The following MAP3K4 variants were observed in gnomAD, a reference collection of about 807,000 sequenced individuals.
The protein encoded by MAP3K4 is MAP three kinase 1.
MAP3K4 carries 67 observed loss-of-function variants against 185.6 expected under a neutral mutation model. That is an observed-to-expected ratio of 0.36 (90% CI 0.30 to 0.44). The LOEUF is 0.44. Among genes scored for constraint, MAP3K4 ranks in the 20% least tolerant of loss-of-function variants. The pLI, the probability that MAP3K4 is intolerant of heterozygous loss-of-function variation, is 1.00. For missense variants in MAP3K4, 1,551 were observed against 1,995.1 expected (o/e 0.78, Z 4.24); for synonymous variants, 702 against 710.4 (o/e 0.99, Z 0.19).
rs1408806479 is a variant in MAP3K4, at chr6:161,070,935, T to A, written c.1950+85T>A. 1.3e-5 allele frequency: 16 copies of A among 1,256,842 alleles called. No homozygotes were observed. The highest frequency in any genetic ancestry group is 1.6e-5 in the Non-Finnish European group (15 of 937,696). The allele number at this position is 1,256,842 out of a possible 1,614,324, so 77.9% of individuals were successfully genotyped here. A position where few individuals can be genotyped will look rare whatever the true frequency, so the allele number is the denominator to read the frequency against. On this transcript the variant is annotated intron_variant, in intron 4 of 26. Transcript: ENST00000392142. This position sits in a 1 kb window ranked among gnomAD's most constrained non-coding sequence, Gnocchi z 4.5. ...CATTTTTATTTTGAGAGTTCCTTTTTTTTTCTTAATTGTCGCAAATAGTGA... is the reference window on the plus strand; with the variant it reads ...CATTTTTATTTTGAGAGTTCCTTTTATTTTCTTAATTGTCGCAAATAGTGA...
At chr6:161,113,797 T>TG (rs1778466640) in intron 25 of MAP3K4, among the ~76,000 whole-genome samples, 1 of 135,942 alleles carries the variant, frequency 7.4e-6, no homozygotes, top group Admixed American at 7.3e-5. Context: ...TGACTTTTTT[T>TG]TTTTTTTTTT....
rs779434919 is a variant in MAP3K4 at position 161,008,796 on chromosome 6, TCTA to T, written c.152+16719_152+16721del. On this transcript the variant is annotated intron_variant, in intron 1 of 26. Coordinates refer to ENST00000392142, the MANE Select transcript of MAP3K4 (RefSeq NM_005922.4). This position sits in a 1 kb window ranked among gnomAD's most constrained non-coding sequence, Gnocchi z 4.1. Reference sequence around the variant, plus strand: ...TCCTGACATTTACTGATATTTTACATCTACTACTTTCACTCAGCATGGTGCTTG... The same window carrying T: ...TCCTGACATTTACTGATATTTTACATCTACTTTCACTCAGCATGGTGCTTG... 5.9e-5 allele frequency among the ~76,000 whole-genome samples: 9 copies of T among 152,292 alleles called. No homozygotes were observed. The highest frequency in any genetic ancestry group is 2.6e-4 in the Admixed American group (4 of 15,296).
chr6:161,036,950 A>T (rs767734494), intron 2 of MAP3K4, among the ~76,000 whole-genome samples: 1 of 152,244 alleles, frequency 6.6e-6, no homozygotes, highest in East Asian at 1.9e-4. Flanking sequence ...AGCATTTCAG[A>T]TAAAGGACTT....
Position 161,116,993 on chromosome 6 carries a change from G to A in MAP3K4, c.*123G>A. On this transcript the variant is annotated 3_prime_UTR_variant, in exon 27 of 27. Coordinates refer to ENST00000392142, the MANE Select transcript of MAP3K4 (RefSeq NM_005922.4). The surrounding 1 kb of genome is among the most constrained non-coding windows in gnomAD (Gnocchi z 6.2). ...CCTTCCAAGACTGAAGACTGCACAGGTGACAAGCGTCACTTCTCCTGCTGC... is the reference window on the plus strand; with the variant it reads ...CCTTCCAAGACTGAAGACTGCACAGATGACAAGCGTCACTTCTCCTGCTGC... 4 of 865,524 alleles carry A rather than the reference G, an allele frequency of 4.6e-6. No homozygotes were observed. Among genetic ancestry groups the A allele is most frequent in the Non-Finnish European group, 7.4e-6 (4 of 541,454 alleles). The allele number at this position is 865,524 out of a possible 1,614,324, so 53.6% of individuals were successfully genotyped here. A position where few individuals can be genotyped will look rare whatever the true frequency, so the allele number is the denominator to read the frequency against.
rs1290261277 is a variant in MAP3K4, at chr6:161,073,486, G to A, written c.1971G>A (p.Glu657=). The change falls in exon 5 of 27, where the codon GAG becomes GAA. Residue 657 remains glutamate (E), a synonymous_variant. Transcript: ENST00000392142. The surrounding 1 kb of genome is among the most constrained non-coding windows in gnomAD (Gnocchi z 4.2). ...TGCAGCTGGTGAGAGAGTGTAAGGA[G>A]GTCCTGAAGGGCGGCCTGCTGATGA... ...SIKQLVRECK[E]VLKGGLLMKQ... is the part of the protein sequence containing the mutation. 6.2e-7 allele frequency: 1 copy of A among 1,612,064 alleles called. No individual in the cohort carries two copies. Among genetic ancestry groups the A allele is most frequent in the Admixed American group, 1.7e-5 (1 of 59,784 alleles).
chr6:161,097,652 A>G lies in MAP3K4; in HGVS notation c.3524+476A>G, dbSNP rs1358445248. ...ATTCAGAAACTATAGTACATTCACG[A>G]TAACTGCCTTGAATGTGGTGGCATT... On this transcript the variant is annotated intron_variant, in intron 16 of 26. Transcript: ENST00000392142. This position sits in a 1 kb window ranked among gnomAD's most constrained non-coding sequence, Gnocchi z 4.9. 6.6e-6 allele frequency among the ~76,000 whole-genome samples: 1 copy of G among 152,238 alleles called. No individual in the cohort carries two copies. The highest frequency in any genetic ancestry group is 2.4e-5 in the African/African-American group (1 of 41,466).
Position 161,106,546 on chromosome 6 carries a change from A to G in MAP3K4, c.3889A>G (p.Ile1297Val), listed in dbSNP as rs1326824062. 1 of 1,613,382 alleles carries G rather than the reference A, an allele frequency of 6.2e-7. No homozygotes were observed. Among genetic ancestry groups the G allele is most frequent in the Non-Finnish European group, 8.5e-7 (1 of 1,179,692 alleles). Reference protein sequence around the residue: ...TASKLGPIEAIQKSVRLFEEK... With the variant: ...TASKLGPIEAVQKSVRLFEEK... ...TTCTAAACTAGGACCCATAGAAGCT[A>G]TCCAGAAGTCAGTCCGATTGTTTGA... The change falls in exon 20 of 27, where the codon ATC (isoleucine) becomes GTC (valine). Residue 1297 changes from isoleucine (I) to valine (V), a missense_variant. Ile to Val is a conservative substitution (Grantham distance 29). Around this residue, in one of 16 missense-constraint regions of MAP3K4, gnomAD observed 272 missense variants for 301.2 expected, o/e 0.90. Transcript: ENST00000392142. The surrounding 1 kb of genome is among the most constrained non-coding windows in gnomAD (Gnocchi z 4.9).
chr6:161,000,809 A>ACACACGTG (rs1443569383), intron 1 of MAP3K4, among the ~76,000 whole-genome samples: 1 of 141,176 alleles, frequency 7.1e-6, no homozygotes. Flanking sequence ...GTACACCCAT[A>ACACACGTG]TATACACACA....
rs896333794 is a variant in MAP3K4, at chr6:161,034,587, A to G, written c.343+138A>G. 1.5e-6 allele frequency: 1 copy of G among 665,224 alleles called. No individual in the cohort carries two copies. The highest frequency in any genetic ancestry group is 4.3e-4 in the Middle Eastern group (1 of 2,350). 41.2% of individuals were successfully genotyped at this position (665,224 alleles called of 1,614,324 possible). A position where few individuals can be genotyped will look rare whatever the true frequency, so the allele number is the denominator to read the frequency against. On this transcript the variant is annotated intron_variant, in intron 2 of 26. Transcript: ENST00000392142. This position sits in a 1 kb window ranked among gnomAD's most constrained non-coding sequence, Gnocchi z 4.4. ...GTAAAGTTCAATTTTTTTTTGAATTATTACCATTAGTATTAATAAAATTGA... is the reference window on the plus strand; with the variant it reads ...GTAAAGTTCAATTTTTTTTTGAATTGTTACCATTAGTATTAATAAAATTGA...
At chr6:161,010,480 G>A (rs1438164915) in intron 1 of MAP3K4, among the ~76,000 whole-genome samples, 1 of 118,188 alleles carries the variant, frequency 8.5e-6, no homozygotes, top group Non-Finnish European at 1.8e-5. Flanking sequence ...ATAGGTATAT[G>A]TTTTGTTTCT....
At position 161,084,539 on chromosome 6, in the gene MAP3K4, T is replaced by G. The variant is rs749235544; in HGVS notation, c.2294T>G (p.Phe765Cys). 1 of 1,609,686 alleles carries G rather than the reference T, an allele frequency of 6.2e-7. No individual in the cohort carries two copies. The highest frequency in any genetic ancestry group is 8.5e-7 in the Non-Finnish European group (1 of 1,175,924). ...ATGCTGCTGAAATCTACAGGAAGTT[T>G]TTTAGAATTTGGCTTACAGGAGAGC... The part of the protein sequence containing the change: ...AGMLLKSTGS[F>C]LEFGLQESCA... The change falls in exon 7 of 27, where the codon TTT becomes TGT. Residue 765 changes from phenylalanine to cysteine, a missense_variant. Physicochemically the swap from Phe to Cys is radical, Grantham distance 205. Transcript: ENST00000392142. This position sits in a 1 kb window ranked among gnomAD's most constrained non-coding sequence, Gnocchi z 4.6.
chr6:161,012,705 A>G (rs1396157320), intron 1 of MAP3K4, among the ~76,000 whole-genome samples: 1 of 152,154 alleles, frequency 6.6e-6, no homozygotes, highest in Admixed American at 6.5e-5. Context: ...GTTTCCTTAG[A>G]CATACATGAG....
At position 161,103,954 on chromosome 6, in the gene MAP3K4, C is replaced by T. The variant is rs986326648; in HGVS notation, c.3856+1175C>T. Reference sequence around the variant, plus strand: ...TGGGGGAGTTTTCCTAGGCTTGAGCCAGGTGACAGGAAGACAGTTTCTTCA... The same window carrying T: ...TGGGGGAGTTTTCCTAGGCTTGAGCTAGGTGACAGGAAGACAGTTTCTTCA... On this transcript the variant is annotated intron_variant, in intron 19 of 26. Coordinates refer to ENST00000392142, the MANE Select transcript of MAP3K4 (RefSeq NM_005922.4). The surrounding 1 kb of genome is among the most constrained non-coding windows in gnomAD (Gnocchi z 4.6). Among the ~76,000 whole-genome samples the T allele has an allele frequency of 1.2e-4, 19 of 152,064 alleles. No individual in the cohort carries two copies. Among genetic ancestry groups the T allele is most frequent in the Non-Finnish European group, 2.4e-4 (16 of 68,028 alleles).
intron 1 of MAP3K4, among the ~76,000 whole-genome samples, chr6:161,011,381 G>A (rs758654395): frequency 2.6e-5 from 4 of 152,094 alleles, no homozygotes; most frequent in South Asian, 2.1e-4. Flanking sequence ...GGGAAACAGC[G>A]GAGACAGTAG....
rs776448572 is a variant in MAP3K4 at position 161,102,008 on chromosome 6, T to C, written c.3775+16T>C. The C allele has an allele frequency of 6.3e-7, 1 of 1,598,242 alleles. No individual in the cohort carries two copies. Among genetic ancestry groups the C allele is most frequent in the South Asian group, 1.1e-5 (1 of 90,432 alleles). ...GAGCGAGATGGTGAGTGTTTTAAGG[T>C]GTTAGCTGCATTCACAACCAGTCTA... is the stretch of plus-strand genomic sequence containing the variant. On this transcript the variant is annotated intron_variant, in intron 18 of 26. Transcript: ENST00000392142.
chr6:160,994,878 T>C (rs1780919583), intron 1 of MAP3K4, among the ~76,000 whole-genome samples: 1 of 152,158 alleles, frequency 6.6e-6, no homozygotes, highest in Admixed American at 6.5e-5. Flanking sequence ...TTTTTGTATT[T>C]TTAGTAGAGA....
intron 3 of MAP3K4, among the ~76,000 whole-genome samples, chr6:161,062,374 G>C (rs1047980279): frequency 6.6e-6 from 1 of 152,074 alleles, no homozygotes; most frequent in African/African-American, 2.4e-5. Flanking sequence ...CTGTCATTTA[G>C]TCTCAGTTCT....
chr6:161,076,353 G>T lies in MAP3K4; in HGVS notation c.2097+2741G>T, dbSNP rs1327785691. Among the ~76,000 whole-genome samples the T allele has an allele frequency of 2.0e-5, 3 of 152,192 alleles. No homozygotes were observed. The highest frequency in any genetic ancestry group is 6.5e-5 in the Admixed American group (1 of 15,278). On this transcript the variant is annotated intron_variant, in intron 5 of 26. Transcript: ENST00000392142. The surrounding 1 kb of genome is among the most constrained non-coding windows in gnomAD (Gnocchi z 4.2). ...TTGTCAGGAAGACTGCCGAATGGGA[G>T]CTCTCTTAGCAGGGGGAGGGGAAGC... is the stretch of plus-strand genomic sequence containing the variant.
chr6:161,072,779 T>A (rs1025879722), intron 4 of MAP3K4, among the ~76,000 whole-genome samples: 2 of 152,200 alleles, frequency 1.3e-5, no homozygotes, highest in Non-Finnish European at 2.9e-5. Flanking sequence ...GTACATTGTG[T>A]CTCAGTCTTT....
Sources: gnomAD v4.1 joint callset for allele counts (sites outside exome capture counted in the v4.1 genomes callset) on GRCh38, gnomAD v4.1.1 for gene constraint, gnomAD v4.1.1 regional missense constraint, Gnocchi (gnomAD v3.1) non-coding constraint, MANE v1.5 for transcripts, NCBI Gene and HGNC (gene_info 2026-07-23, HGNC 2026-07-21) for gene names.